KCNA6: variants seen among roughly 807,000 people sequenced by gnomAD.
KCNA6 encodes human brain potassium channel-2.
In KCNA6, 17 loss-of-function variants were observed where a neutral mutation model predicts 29.5. That is an observed-to-expected ratio of 0.58 (90% CI 0.39 to 0.86). KCNA6 has a LOEUF of 0.86. KCNA6 is among the 40% of genes least tolerant of loss of function. The probability of loss-of-function intolerance (pLI) is 0.00; values close to 1 mark genes in which losing one functional copy is unlikely to be tolerated. For synonymous variants in KCNA6, 296 were observed against 304.7 expected, an observed-to-expected ratio of 0.97 and a Z score of 0.30; for missense variants, 450 against 703.4, an observed-to-expected ratio of 0.64 and a Z score of 4.07.
At chr12:4,822,072 T>C in the KCNA6 span, among the ~76,000 whole-genome samples, 3 of 152,212 alleles carry the variant, frequency 2.0e-5, no homozygotes, top group African/African-American at 7.2e-5. Flanking sequence ...TGACCTCAAG[T>C]GATCCGCCCA....
At chr12:4,850,678 A>T in the KCNA6 span, 1 of 382,606 alleles carries the variant, frequency 2.6e-6, no homozygotes, top group Non-Finnish European at 5.4e-6. This position sits in a 1 kb window ranked among gnomAD's most constrained non-coding sequence, Gnocchi z 5.4. Flanking sequence ...TCCATCCCTC[A>T]TGCGACACAA....
chr12:4,809,992 T>C, exon 1 of KCNA6: 1 of 1,494,120 alleles, frequency 6.7e-7, no homozygotes, highest in Non-Finnish European at 8.9e-7. Context: ...GCTCCAGAGA[T>C]TGTGTCGTGG....
chr12:4,817,397 GTGCTGGCCT>G (rs1227370699), downstream of KCNA6, among the ~76,000 whole-genome samples: 2 of 152,230 alleles, frequency 1.3e-5, no homozygotes, highest in African/African-American at 4.8e-5. Flanking sequence ...CCACTTTCCT[GTGCTGGCCT>G]TGAGTGAGTC....
chr12:4,850,652 G>A, the KCNA6 span: 1 of 363,458 alleles, frequency 2.8e-6, no homozygotes, highest in South Asian at 2.1e-5. The surrounding 1 kb of genome is among the most constrained non-coding windows in gnomAD (Gnocchi z 5.4). Flanking sequence ...ACACTGGTGT[G>A]TCCAGGTTTC....
the KCNA6 span, among the ~76,000 whole-genome samples, chr12:4,825,247 T>A: frequency 9.4e-3 from 1,436 of 152,264 alleles, 53 homozygotes; most frequent in East Asian, 0.11. Context: ...CTGCAGAACA[T>A]CAGTCCTACG....
At chr12:4,835,352 T>C in the KCNA6 span, among the ~76,000 whole-genome samples, 1 of 152,132 alleles carries the variant, frequency 6.6e-6, no homozygotes, top group Non-Finnish European at 1.5e-5. Flanking sequence ...GCCAGGATGG[T>C]CTCGATCTCC....
rs751490426 is a variant in KCNA6, at chr12:4,811,600, A to G, written c.1559A>G (p.Tyr520Cys). The G allele has an allele frequency of 8.7e-6, 14 of 1,614,110 alleles. No homozygotes were observed. The highest frequency in any genetic ancestry group is 1.2e-5 in the Non-Finnish European group (14 of 1,179,950). Residue 520 changes from tyrosine to cysteine, a missense_variant, in exon 1 of 1, where the codon TAT becomes TGT. Tyr to Cys is a radical substitution (Grantham distance 194, BLOSUM62 -2). Coordinates refer to ENST00000280684, the Ensembl canonical transcript of KCNA6. This position sits in a 1 kb window ranked among gnomAD's most constrained non-coding sequence, Gnocchi z 7.1. ...TACCTTCCTACACCACATCGGGCCTATGCAGAGAAAAGAATGCTCACGGAG... is the reference window on the plus strand; with the variant it reads ...TACCTTCCTACACCACATCGGGCCTGTGCAGAGAAAAGAATGCTCACGGAG...
the KCNA6 span, among the ~76,000 whole-genome samples, chr12:4,848,207 A>C: frequency 6.6e-6 from 1 of 151,554 alleles, no homozygotes; most frequent in Non-Finnish European, 1.5e-5. Context: ...AGGTGTGTCC[A>C]CCTGCAACCA....
At chr12:4,827,956 T>C in the KCNA6 span, among the ~76,000 whole-genome samples, 1 of 152,250 alleles carries the variant, frequency 6.6e-6, no homozygotes, top group Non-Finnish European at 1.5e-5. Context: ...AACGCTTTAT[T>C]TTCAGACTCT....
the KCNA6 span, among the ~76,000 whole-genome samples, chr12:4,827,166 C>CTCCTTCCT: frequency 8.6e-6 from 1 of 116,792 alleles, no homozygotes; most frequent in Admixed American, 8.8e-5. Context: ...CTTTCCTTCC[C>CTCCTTCCT]TCCTTCTTTC....
chr12:4,845,742 C>T, the KCNA6 span, among the ~76,000 whole-genome samples: 1 of 152,106 alleles, frequency 6.6e-6, no homozygotes, highest in Admixed American at 6.5e-5. Flanking sequence ...TTTCATGTGT[C>T]GTTTCTTTTC....
chr12:4,844,491 A>G, the KCNA6 span, among the ~76,000 whole-genome samples: 4 of 152,160 alleles, frequency 2.6e-5, no homozygotes, highest in East Asian at 7.7e-4. The surrounding 1 kb of genome is among the most constrained non-coding windows in gnomAD (Gnocchi z 4.0). Flanking sequence ...CCTTGTGGAT[A>G]TTAGGGGAAG....
the KCNA6 span, among the ~76,000 whole-genome samples, chr12:4,848,642 C>G: frequency 2.6e-5 from 4 of 152,098 alleles, no homozygotes; most frequent in Non-Finnish European, 4.4e-5. Flanking sequence ...TCAAACGATT[C>G]TCCTGCTTCG....
At chr12:4,812,956 T>C (rs147144612) in exon 1 of KCNA6, 74 of 167,300 alleles carry the variant, frequency 4.4e-4, no homozygotes, top group African/African-American at 1.8e-3. Context: ...CTGCCATCTA[T>C]CCACCTGCCC....
At chr12:4,830,781 C>T in the KCNA6 span, among the ~76,000 whole-genome samples, 1 of 152,208 alleles carries the variant, frequency 6.6e-6, no homozygotes, top group Non-Finnish European at 1.5e-5. Flanking sequence ...TGGGAGGCTG[C>T]GGGAGAAGGC....
chr12:4,816,575 A>G (rs137992573), downstream of KCNA6, among the ~76,000 whole-genome samples: 5 of 152,098 alleles, frequency 3.3e-5, no homozygotes, highest in African/African-American at 9.6e-5. Flanking sequence ...GCACCTGTAA[A>G]CTCAGAATTC....
the KCNA6 span, among the ~76,000 whole-genome samples, chr12:4,840,582 A>G: frequency 2.1e-4 from 32 of 152,206 alleles, no homozygotes; most frequent in African/African-American, 7.0e-4. Flanking sequence ...TACCAAGCTC[A>G]AGGTTTTAAG....
the KCNA6 span, among the ~76,000 whole-genome samples, chr12:4,820,106 A>G: frequency 6.6e-6 from 1 of 152,202 alleles, no homozygotes; most frequent in South Asian, 2.1e-4. Flanking sequence ...TAAATGAAAT[A>G]TGACATAAAA....
the KCNA6 span, among the ~76,000 whole-genome samples, chr12:4,824,733 T>C: frequency 6.6e-6 from 1 of 152,082 alleles, no homozygotes; most frequent in Non-Finnish European, 1.5e-5. Flanking sequence ...TGCACAAGGG[T>C]GTAGGTAGGA....
Sources: gnomAD v4.1 joint callset for allele counts (sites outside exome capture counted in the v4.1 genomes callset) on GRCh38, gnomAD v4.1.1 for gene constraint, Gnocchi (gnomAD v3.1) non-coding constraint, MANE v1.5 for transcripts, NCBI Gene and HGNC (gene_info 2026-07-23, HGNC 2026-07-21) for gene names.